HLCS: variants seen among roughly 807,000 people sequenced by gnomAD.
HLCS encodes the protein holocarboxylase synthetase.
In HLCS, 53 loss-of-function variants were observed where a neutral mutation model predicts 75.0. The ratio of observed to expected loss-of-function variants is 0.71; its 90% CI spans 0.57 to 0.89. The LOEUF is 0.89. HLCS is among the 40% of genes least tolerant of loss of function. HLCS has a pLI of 0.00. For missense variants in HLCS, 966 were observed against 1,074.0 expected (o/e 0.90, Z 1.41); for synonymous variants, 431 against 428.6 (o/e 1.01, Z -0.07).
At chr21:36,885,491 G>C (rs1268606480) in intron 6 of HLCS, among the ~76,000 whole-genome samples, 1 of 147,114 alleles carries the variant, frequency 6.8e-6, no homozygotes, top group Non-Finnish European at 1.5e-5. Context: ...CTGGGTGACA[G>C]AGCAAGATCC....
At chr21:36,920,658 T>C (rs1029047948) in intron 5 of HLCS, among the ~76,000 whole-genome samples, 1 of 152,092 alleles carries the variant, frequency 6.6e-6, no homozygotes, top group Non-Finnish European at 1.5e-5. Flanking sequence ...TATGTACCTA[T>C]TAAATTAAAA....
At chr21:36,967,104 G>A (rs984528490), upstream of HLCS, among the ~76,000 whole-genome samples, 2 of 152,072 alleles carry the variant, frequency 1.3e-5, no homozygotes, top group African/African-American at 4.8e-5. Flanking sequence ...CCTTGGAGGG[G>A]TGGGAGGCGG....
chr21:36,937,065 T>C lies in HLCS; in HGVS notation c.821A>G (p.Asn274Ser). 3 of 1,614,118 alleles carry C rather than the reference T, an allele frequency of 1.9e-6. 1 individual carries two copies. In the South Asian group the frequency reaches 3.3e-5, roughly 18 times the overall value. Residue 274 changes from asparagine (N) to serine (S), a missense_variant, in exon 4 of 11, where the codon AAC becomes AGC. By Grantham distance (46) the Asn-to-Ser change is conservative (BLOSUM62 1). Coordinates refer to ENST00000674895, the MANE Select transcript of HLCS (RefSeq NM_001352514.2). ...ATAATCGTAGGGAAGGTCTGGAATG[T>C]TCTCGGCAGACGCAAACTTGACTGA... ...IESVKFASAE[N>S]IPDLPYDYSS...
intron 6 of HLCS, among the ~76,000 whole-genome samples, chr21:36,811,880 C>G (rs2030356936): frequency 1.3e-5 from 2 of 152,164 alleles, no homozygotes; most frequent in Admixed American, 6.5e-5. Flanking sequence ...TGTGACCAGC[C>G]ACTCACTTGC....
chr21:36,941,142 T>C (rs1035109611), intron 2 of HLCS, among the ~76,000 whole-genome samples: 1 of 151,724 alleles, frequency 6.6e-6, no homozygotes, highest in East Asian at 1.9e-4. Flanking sequence ...AACCCAGGAG[T>C]TGGAGGTTGC....
intron 6 of HLCS, among the ~76,000 whole-genome samples, chr21:36,869,996 C>T (rs2063715176): frequency 6.6e-6 from 1 of 152,136 alleles, no homozygotes; most frequent in Non-Finnish European, 1.5e-5. Context: ...AACCCGTGAA[C>T]CCTAGTTATA....
At chr21:36,783,814 CATGCACATACACACACACACAT>C (rs1435951479) in intron 6 of HLCS, among the ~76,000 whole-genome samples, 1 of 144,954 alleles carries the variant, frequency 6.9e-6, no homozygotes, top group African/African-American at 2.4e-5. Context: ...CACACACACA[CATGCACATACACACACACACAT>C]ACATGCACAA....
intron 6 of HLCS, among the ~76,000 whole-genome samples, chr21:36,808,707 T>C (rs2061428166): frequency 6.6e-6 from 1 of 152,246 alleles, no homozygotes; most frequent in Admixed American, 6.5e-5. Flanking sequence ...AGAAAACTAG[T>C]ATTTTGTGTT....
chr21:36,952,452 C>A (rs1434162449), intron 2 of HLCS, among the ~76,000 whole-genome samples: 1 of 152,188 alleles, frequency 6.6e-6, no homozygotes. Context: ...TGGACTGTGG[C>A]AATCCTCCTT....
chr21:36,866,109 A>T (rs1338515070), intron 6 of HLCS, among the ~76,000 whole-genome samples: 1 of 146,230 alleles, frequency 6.8e-6, no homozygotes, highest in Non-Finnish European at 1.5e-5. Context: ...TACTTTTGTG[A>T]GCGTGAATTG....
chr21:36,964,230 T>C (rs1179025354), intron 1 of HLCS, among the ~76,000 whole-genome samples: 2 of 152,176 alleles, frequency 1.3e-5, no homozygotes, highest in Non-Finnish European at 2.9e-5. Context: ...TCTCAACATA[T>C]GGGCATGAGA....
chr21:36,942,542 A>G (rs2067197441), intron 2 of HLCS, among the ~76,000 whole-genome samples: 1 of 152,204 alleles, frequency 6.6e-6, no homozygotes, highest in African/African-American at 2.4e-5. Context: ...GAAGGAAAAC[A>G]CAGGCATAAA....
At chr21:36,777,092 T>C (rs930164967) in intron 6 of HLCS, among the ~76,000 whole-genome samples, 2 of 152,210 alleles carry the variant, frequency 1.3e-5, no homozygotes, top group Non-Finnish European at 2.9e-5. Flanking sequence ...TATAGGACTA[T>C]TAACCACAGC....
rs186549579 is a variant in HLCS at position 36,964,156 on chromosome 21, T to C, written c.196-1986A>G. Among the ~76,000 whole-genome samples the C allele has an allele frequency of 1.9e-3, 288 of 152,106 alleles. 3 individuals are homozygous for C. The highest frequency in any genetic ancestry group is 1.6e-4 in the Non-Finnish European group (11 of 67,990). ...AGGAGAATCACTTGAACCTGGGAGG[T>C]GGAGATTGCAGTGAGCGGAGATCGC... On this transcript the variant is annotated intron_variant, in intron 1 of 10. Transcript: ENST00000674895.
At chr21:36,898,267 G>A (rs1190168621) in intron 5 of HLCS, among the ~76,000 whole-genome samples, 1 of 151,928 alleles carries the variant, frequency 6.6e-6, no homozygotes, top group Non-Finnish European at 1.5e-5. Context: ...CCAACATGGT[G>A]AAACTCCGTC....
At chr21:36,979,812 T>C (rs976016820) in intron 1 of HLCS, among the ~76,000 whole-genome samples, 7 of 151,674 alleles carry the variant, frequency 4.6e-5, no homozygotes, top group African/African-American at 1.7e-4. Flanking sequence ...ATCCTAACAC[T>C]TTGGGAGGCA....
chr21:36,789,675 T>C (rs1403395540), intron 6 of HLCS, among the ~76,000 whole-genome samples: 1 of 152,234 alleles, frequency 6.6e-6, no homozygotes, highest in Non-Finnish European at 1.5e-5. Context: ...ACAAAAGATT[T>C]CATCACACAT....
chr21:36,920,093 G>A (rs2066098077), intron 5 of HLCS, among the ~76,000 whole-genome samples: 1 of 152,150 alleles, frequency 6.6e-6, no homozygotes, highest in Non-Finnish European at 1.5e-5. Flanking sequence ...AGTACTTTGG[G>A]AAGCTGAGGC....
At chr21:36,830,403 G>A (rs1243395332) in intron 6 of HLCS, among the ~76,000 whole-genome samples, 1 of 152,196 alleles carries the variant, frequency 6.6e-6, no homozygotes, top group Non-Finnish European at 1.5e-5. Flanking sequence ...AGGAATGCGT[G>A]CTTTGTTCTT....
Sources: gnomAD v4.1 joint callset for allele counts (sites outside exome capture counted in the v4.1 genomes callset) on GRCh38, gnomAD v4.1.1 for gene constraint, MANE v1.5 for transcripts, NCBI Gene and HGNC (gene_info 2026-07-23, HGNC 2026-07-21) for gene names.